ZNF562: variants seen among roughly 807,000 people sequenced by gnomAD.
The protein encoded by ZNF562 is zinc finger protein 562.
A neutral mutation model predicts 17.5 loss-of-function variants in ZNF562; 13 were observed. The observed-to-expected ratio is 0.74, with a 90% CI of 0.48 to 1.18. The LOEUF (loss-of-function observed/expected upper bound fraction) is 1.18. ZNF562 is among the 50% of genes most tolerant of loss of function. ZNF562 has a pLI of 0.00. For synonymous variants in ZNF562, 163 were observed against 165.4 expected (o/e 0.99, Z 0.11); for missense variants, 481 against 498.5 (o/e 0.96, Z 0.33).
intron 1 of ZNF562, among the ~76,000 whole-genome samples, chr19:9,661,377 G>A (rs1024190849): frequency 3.3e-5 from 5 of 152,048 alleles, no homozygotes; most frequent in Admixed American, 3.3e-4. Context: ...GAAATGCAGT[G>A]GCGTGATCTT....
chr19:9,672,785 T>G (rs955840680), intron 1 of ZNF562, among the ~76,000 whole-genome samples: 1 of 149,596 alleles, frequency 6.7e-6, no homozygotes, highest in Admixed American at 6.7e-5. Context: ...TTCTTTTTTT[T>G]TTTTTTTTTT....
intron 1 of ZNF562, among the ~76,000 whole-genome samples, chr19:9,669,242 G>A (rs2044056932): frequency 6.6e-6 from 1 of 151,652 alleles, no homozygotes; most frequent in South Asian, 2.1e-4. Flanking sequence ...AATATATAAG[G>A]AACTCAAACT....
Position 9,650,938 on chromosome 19 carries a change from G to T in ZNF562, c.*2011C>A, listed in dbSNP as rs1019673740. 2 of 73,492 alleles carry T rather than the reference G, an allele frequency of 2.7e-5. No homozygotes were observed. The highest frequency in any genetic ancestry group is 1.2e-4 in the African/African-American group (2 of 16,860). The allele number at this position is 73,492 out of a possible 1,614,324, so 4.6% of individuals were successfully genotyped here. Reference sequence around the variant, plus strand: ...CATTGCACTCCAGCCTGGGCAACAAGAGCAAAACTCCATCTCAAAAAAAAA... The same window carrying T: ...CATTGCACTCCAGCCTGGGCAACAATAGCAAAACTCCATCTCAAAAAAAAA... On this transcript the variant is annotated 3_prime_UTR_variant, in exon 6 of 6. Transcript: ENST00000453372.
chr19:9,653,659 G>C lies in ZNF562; in HGVS notation c.571C>G (p.Leu191Val). Residue 191 changes from leucine to valine, a missense_variant, in exon 6 of 6, where the codon CTT becomes GTT. Leu to Val is a conservative substitution (Grantham distance 32). This residue lies in a region of ZNF562 where 403 missense variants were observed against 386.4 expected (regional missense o/e 1.04). Coordinates refer to ENST00000453372, the MANE Select transcript of ZNF562 (RefSeq NM_001130031.2). ...CGKVFTLTPG[L>V]AVHLEILNGR... The stretch of plus-strand genomic sequence containing the variant: ...TTGAGAATTTCAAGATGCACAGCAA[G>C]GCCTGGAGTTAAGGTGAAGACTTTT... 6.2e-7 allele frequency: 1 copy of C among 1,614,096 alleles called. No homozygotes were observed. Among genetic ancestry groups the C allele is most frequent in the Non-Finnish European group, 8.5e-7 (1 of 1,179,938 alleles).
chr19:9,663,745 C>T (rs1055561931), intron 1 of ZNF562, among the ~76,000 whole-genome samples: 2 of 151,688 alleles, frequency 1.3e-5, no homozygotes, highest in Non-Finnish European at 2.9e-5. Context: ...GGCGCGATCT[C>T]GGCTCACTGC....
chr19:9,669,340 A>G (rs922095724), intron 1 of ZNF562, among the ~76,000 whole-genome samples: 1 of 152,230 alleles, frequency 6.6e-6, no homozygotes, highest in Admixed American at 6.5e-5. Flanking sequence ...GCCAACAGGC[A>G]TACAAAAAAA....
At position 9,651,773 on chromosome 19, in the gene ZNF562, T is replaced by C. The variant is rs2074870401; in HGVS notation, c.*1176A>G. ...CTACAATCTATAGGAATAATGTTTATCACAGGCTTACTGTCAATAAATATG... is the reference window on the plus strand; with the variant it reads ...CTACAATCTATAGGAATAATGTTTACCACAGGCTTACTGTCAATAAATATG... On this transcript the variant is annotated 3_prime_UTR_variant, in exon 6 of 6. Transcript: ENST00000453372. The C allele has an allele frequency of 6.6e-6, 1 of 152,214 alleles. No individual in the cohort carries two copies. The highest frequency in any genetic ancestry group is 2.1e-4 in the South Asian group (1 of 4,834). 9.4% of individuals were successfully genotyped at this position (152,214 alleles called of 1,614,324 possible).
At chr19:9,658,357 CT>C (rs996798641) in intron 3 of ZNF562, 190 of 972,800 alleles carry the variant, frequency 2.0e-4, no homozygotes, top group East Asian at 2.3e-4. Context: ...TTCTTTCTTT[CT>C]TTTTTTTTGT....
chr19:9,658,715 A>AT (rs981811951), intron 3 of ZNF562, among the ~76,000 whole-genome samples: 2 of 151,838 alleles, frequency 1.3e-5, no homozygotes, highest in Non-Finnish European at 2.9e-5. Flanking sequence ...TAATTTTTTA[A>AT]TTTTTTTTAA....
At chr19:9,656,727 G>A (rs2043499076) in intron 4 of ZNF562, 74 bp from the exon 5 acceptor site, 1 of 1,490,422 alleles carries the variant, frequency 6.7e-7, no homozygotes, top group East Asian at 2.3e-5. Flanking sequence ...AACACAGTAT[G>A]AAAATAAAAG....
At chr19:9,657,221 C>A (rs1174023713) in intron 4 of ZNF562, among the ~76,000 whole-genome samples, 36 of 150,816 alleles carry the variant, frequency 2.4e-4, no homozygotes, top group African/African-American at 6.8e-4. Context: ...GAAAGGAAAG[C>A]AGGAAAGATC....
intron 1 of ZNF562, among the ~76,000 whole-genome samples, chr19:9,674,222 T>C (rs1029118642): frequency 2.0e-5 from 3 of 151,810 alleles, no homozygotes; most frequent in Non-Finnish European, 2.9e-5. Context: ...GAGCAGGAAA[T>C]TGGAATGAGT....
At chr19:9,659,113 C>T (rs551234877) in intron 3 of ZNF562, among the ~76,000 whole-genome samples, 30 of 152,280 alleles carry the variant, frequency 2.0e-4, no homozygotes, top group South Asian at 1.0e-3. Context: ...CATCTGTCAC[C>T]GCACCCAGCA....
chr19:9,643,042 T>C lies in ZNF562; in HGVS notation c.*9907A>G, dbSNP rs2074782793. 8.6e-6 allele frequency: 1 copy of C among 116,046 alleles called. No homozygotes were observed. The highest frequency in any genetic ancestry group is 1.7e-5 in the Non-Finnish European group (1 of 58,960). 7.2% of individuals were successfully genotyped at this position (116,046 alleles called of 1,614,324 possible). A position where few individuals can be genotyped will look rare whatever the true frequency, so the allele number is the denominator to read the frequency against. On this transcript the variant is annotated 3_prime_UTR_variant, in exon 6 of 6. Transcript: ENST00000453372. The stretch of plus-strand genomic sequence containing the variant: ...AGGTGACATGGCAAGACACTGTCTC[T>C]GGAAAAAAAAAAAAAAAAAAAGAAC...
rs1184502232 is a variant in ZNF562, at chr19:9,647,520, A to G, written c.*5429T>C. 2.0e-5 allele frequency: 3 copies of G among 152,248 alleles called. No individual in the cohort carries two copies. Among genetic ancestry groups the G allele is most frequent in the African/African-American group, 2.4e-5 (1 of 41,544 alleles). 9.4% of individuals were successfully genotyped at this position (152,248 alleles called of 1,614,324 possible). On this transcript the variant is annotated 3_prime_UTR_variant, in exon 6 of 6. Transcript: ENST00000453372. ...GCTGGGATTAAAAGTGTGAGCCACT[A>G]TGACCAGCCAGAAGAGATAATTTTA... is the stretch of plus-strand genomic sequence containing the variant.
intron 2 of ZNF562, 24 bp from the exon 3 acceptor site, chr19:9,659,491 G>A (rs939533259): frequency 6.5e-7 from 1 of 1,548,024 alleles, no homozygotes; most frequent in African/African-American, 1.4e-5. Context: ...AAGAAGGCAT[G>A]AGAAGCCAGA....
intron 1 of ZNF562, chr19:9,674,619 C>T (rs2044334976): frequency 6.6e-6 from 1 of 152,048 alleles, no homozygotes; most frequent in Admixed American, 6.6e-5. Context: ...ACCATTTTTC[C>T]GCCGTTGCTC....
intron 5 of ZNF562, 127 bp from the exon 6 acceptor site, chr19:9,654,008 T>TTTTTTTA (rs2043367216): frequency 9.4e-7 from 1 of 1,064,608 alleles, no homozygotes; most frequent in African/African-American, 1.6e-5. Context: ...TTTTTTTTTT[T>TTTTTTTA]GAGACAGAGT....
chr19:9,660,069 A>G (rs1191072345), intron 2 of ZNF562, among the ~76,000 whole-genome samples: 1 of 132,446 alleles, frequency 7.6e-6, no homozygotes, highest in Non-Finnish European at 1.6e-5. Flanking sequence ...AGCCTGGGTG[A>G]CAGAGTGAGA....
Sources: gnomAD v4.1 joint callset for allele counts (sites outside exome capture counted in the v4.1 genomes callset) on GRCh38, gnomAD v4.1.1 for gene constraint, gnomAD v4.1.1 regional missense constraint, MANE v1.5 for transcripts, NCBI Gene and HGNC (gene_info 2026-07-23, HGNC 2026-07-21) for gene names.